The following AUTS2 variants were observed in gnomAD, a reference collection of about 807,000 sequenced individuals.
The protein encoded by AUTS2 is autism susceptibility gene 2 protein.
Under a neutral mutation model 112.4 loss-of-function variants are expected in AUTS2, and 17 were observed. That is an observed-to-expected ratio of 0.15 (90% CI 0.10 to 0.23). The LOEUF is 0.23. Among genes scored for constraint, AUTS2 ranks in the 10% least tolerant of loss-of-function variants. The pLI, the probability that AUTS2 is intolerant of heterozygous loss-of-function variation, is 1.00. For synonymous variants in AUTS2, 751 were observed against 702.7 expected, an observed-to-expected ratio of 1.07 and a Z score of -1.09; for missense variants, 1,510 against 1,701.6, an observed-to-expected ratio of 0.89 and a Z score of 1.98.
intron 2 of AUTS2, among the ~76,000 whole-genome samples, chr7:70,082,106 T>TTA (rs1380869329): frequency 6.6e-6 from 1 of 152,088 alleles, no homozygotes; most frequent in Non-Finnish European, 1.5e-5. Flanking sequence ...ATTATGAACG[T>TTA]TATGGTTCCC....
intron 2 of AUTS2, among the ~76,000 whole-genome samples, chr7:69,979,860 A>G (rs1426562224): frequency 1.3e-5 from 2 of 152,184 alleles, no homozygotes; most frequent in Non-Finnish European, 2.9e-5. Flanking sequence ...CTTGTTTTTT[A>G]AATGCCATTT....
intron 4 of AUTS2, among the ~76,000 whole-genome samples, chr7:70,376,210 G>A (rs141026974): frequency 1.1e-4 from 16 of 152,246 alleles, no homozygotes; most frequent in Admixed American, 2.0e-4. Flanking sequence ...AAATGTTTCC[G>A]TGTGAACATC....
intron 6 of AUTS2, among the ~76,000 whole-genome samples, chr7:70,728,625 T>C (rs1474259174): frequency 6.7e-6 from 1 of 150,118 alleles, no homozygotes; most frequent in African/African-American, 2.5e-5. Context: ...GGAAAATCAC[T>C]TGAACCTGGG....
intron 2 of AUTS2, among the ~76,000 whole-genome samples, chr7:69,931,709 C>T (rs1796234627): frequency 6.6e-6 from 1 of 152,104 alleles, no homozygotes. Context: ...GATCCTGCCT[C>T]CTGCTTTTCC....
chr7:70,021,068 C>T lies in AUTS2; in HGVS notation c.523-97064C>T, dbSNP rs1006924053. On this transcript the variant is annotated intron_variant, in intron 2 of 18. Coordinates refer to ENST00000342771, the MANE Select transcript of AUTS2 (RefSeq NM_015570.4). ...CGTGATCTCAGCTCACCGCAACCTC[C>T]GCCTCCTGGATTCAAGCGATTCTCC... 5.9e-5 allele frequency among the ~76,000 whole-genome samples: 9 copies of T among 152,156 alleles called. No homozygotes were observed. In the East Asian group the frequency reaches 1.2e-3, roughly 20 times the overall value.
At chr7:70,286,817 T>C (rs560713129) in intron 4 of AUTS2, among the ~76,000 whole-genome samples, 16 of 152,168 alleles carry the variant, frequency 1.1e-4, no homozygotes, top group Non-Finnish European at 2.1e-4. Flanking sequence ...CCAGCCTCTT[T>C]GTCCTTATAA....
chr7:70,569,764 T>TA (rs1801860351), intron 5 of AUTS2, among the ~76,000 whole-genome samples: 1 of 151,020 alleles, frequency 6.6e-6, no homozygotes, highest in Non-Finnish European at 1.5e-5. Context: ...GTTGGCCGAT[T>TA]AGTTGGCAAG....
At chr7:70,387,557 C>G (rs1413604114) in intron 4 of AUTS2, among the ~76,000 whole-genome samples, 1 of 152,218 alleles carries the variant, frequency 6.6e-6, no homozygotes, top group Admixed American at 6.5e-5. Flanking sequence ...ACTTGGATGT[C>G]CTGCCAGCTC....
chr7:69,880,761 G>A (rs1353112474), intron 1 of AUTS2, among the ~76,000 whole-genome samples: 1 of 152,106 alleles, frequency 6.6e-6, no homozygotes, highest in Non-Finnish European at 1.5e-5. Context: ...CCTGGATGAG[G>A]GTAGATGAAG....
At chr7:69,953,506 G>C (rs895781127) in intron 2 of AUTS2, among the ~76,000 whole-genome samples, 1 of 152,100 alleles carries the variant, frequency 6.6e-6, no homozygotes, top group Non-Finnish European at 1.5e-5. Context: ...CTGTTTTTCT[G>C]AAGGTTTGTG....
At chr7:70,475,859 G>T (rs1797562352) in intron 5 of AUTS2, among the ~76,000 whole-genome samples, 1 of 152,092 alleles carries the variant, frequency 6.6e-6, no homozygotes, top group Non-Finnish European at 1.5e-5. Flanking sequence ...AACATAGTGA[G>T]ACCCTGTCTC....
chr7:69,737,011 G>A (rs1787057818), intron 1 of AUTS2, among the ~76,000 whole-genome samples: 1 of 152,124 alleles, frequency 6.6e-6, no homozygotes, highest in Admixed American at 6.5e-5. Context: ...AGAACACCTG[G>A]CAGTGTCAGG....
At chr7:69,824,544 T>C (rs1791154203) in intron 1 of AUTS2, 1 of 152,164 alleles carries the variant, frequency 6.6e-6, no homozygotes, top group African/African-American at 2.4e-5. Flanking sequence ...GATTTTTTTT[T>C]TTAATCGCCG....
intron 11 of AUTS2, among the ~76,000 whole-genome samples, chr7:70,771,849 T>C (rs916509968): frequency 6.6e-6 from 1 of 152,226 alleles, no homozygotes; most frequent in African/African-American, 2.4e-5. Context: ...CTTTTCAAAC[T>C]GTACTACCCA....
chr7:70,681,541 G>A (rs1471125236), intron 5 of AUTS2, among the ~76,000 whole-genome samples: 1 of 150,336 alleles, frequency 6.7e-6, no homozygotes, highest in Non-Finnish European at 1.5e-5. Flanking sequence ...TTTTTCTTCT[G>A]TATGCAAAGA....
intron 2 of AUTS2, among the ~76,000 whole-genome samples, chr7:70,096,409 C>T (rs1804202365): frequency 6.6e-6 from 1 of 151,794 alleles, no homozygotes; most frequent in Admixed American, 6.6e-5. Flanking sequence ...CCAGCCTCGC[C>T]AACATAGTGA....
intron 1 of AUTS2, among the ~76,000 whole-genome samples, chr7:69,821,395 G>A (rs974445280): frequency 3.3e-5 from 5 of 152,050 alleles, no homozygotes; most frequent in African/African-American, 1.2e-4. Flanking sequence ...GCACCAATCG[G>A]CACTCTGTAA....
chr7:69,957,589 G>A (rs1356340416), intron 2 of AUTS2, among the ~76,000 whole-genome samples: 3 of 151,354 alleles, frequency 2.0e-5, no homozygotes, highest in Non-Finnish European at 4.4e-5. Flanking sequence ...TGGGGAATAT[G>A]TTAGAATTTT....
rs5884783 is a variant in AUTS2, at chr7:70,503,516, A to ATTTTT, written c.690+67751_690+67755dup. ...GGGAACAGAGCAAGACTCCCGTCTC[A>ATTTTT]TTTTTTTTTTTTTTTTTTTTGAGAT... On this transcript the variant is annotated intron_variant, in intron 5 of 18. Coordinates refer to ENST00000342771, the MANE Select transcript of AUTS2 (RefSeq NM_015570.4). Among the ~76,000 whole-genome samples, 563 of 120,166 alleles carry ATTTTT rather than the reference A, an allele frequency of 4.7e-3. 21 individuals are homozygous for ATTTTT. Among genetic ancestry groups the ATTTTT allele is most frequent in the African/African-American group, 0.017 (526 of 31,090 alleles). The allele number at this position is 120,166 out of a possible 152,430, so 78.8% of individuals were successfully genotyped here.
Sources: gnomAD v4.1 joint callset for allele counts (sites outside exome capture counted in the v4.1 genomes callset) on GRCh38, gnomAD v4.1.1 for gene constraint, MANE v1.5 for transcripts, NCBI Gene and HGNC (gene_info 2026-07-23, HGNC 2026-07-21) for gene names.